MBNL1: variants seen among roughly 807,000 people sequenced by gnomAD.
The protein encoded by MBNL1 is muscleblind like splicing regulator 1, also known as muscleblind-like protein 1.
In MBNL1, 8 loss-of-function variants were observed where a neutral mutation model predicts 42.2. The observed-to-expected ratio is 0.19, with a 90% CI of 0.11 to 0.34. The LOEUF is 0.34. Among genes scored for constraint, MBNL1 ranks in the 10% least tolerant of loss-of-function variants. The pLI is 1.00. For missense variants in MBNL1, 309 were observed against 495.3 expected (o/e 0.62, Z 3.57); for synonymous variants, 169 against 173.9 (o/e 0.97, Z 0.22).
At chr3:152,457,483 A>T (rs1736033371) in intron 8 of MBNL1, among the ~76,000 whole-genome samples, 1 of 152,254 alleles carries the variant, frequency 6.6e-6, no homozygotes, top group Non-Finnish European at 1.5e-5. Context: ...CTGTTGATGA[A>T]GAACATTCAG....
chr3:152,418,246 T>G (rs2098735765), intron 3 of MBNL1, among the ~76,000 whole-genome samples: 1 of 152,190 alleles, frequency 6.6e-6, no homozygotes, highest in Admixed American at 6.5e-5. Flanking sequence ...AGAAGTTTGC[T>G]CAGGTTACAC....
At chr3:152,449,523 A>G (rs368298212) in intron 6 of MBNL1, 34 of 152,300 alleles carry the variant, frequency 2.2e-4, no homozygotes, top group African/African-American at 7.7e-4. Flanking sequence ...TTTTTTCTAA[A>G]TAAGTATAAC....
At chr3:152,389,878 T>C (rs1400908256) in intron 2 of MBNL1, among the ~76,000 whole-genome samples, 1 of 152,132 alleles carries the variant, frequency 6.6e-6, no homozygotes, top group Non-Finnish European at 1.5e-5. Flanking sequence ...TTTATTTATT[T>C]ATTTATTTAT....
intron 2 of MBNL1, among the ~76,000 whole-genome samples, chr3:152,346,622 T>C (rs1662346417): frequency 6.6e-6 from 1 of 152,108 alleles, no homozygotes; most frequent in South Asian, 2.1e-4. Context: ...TAGAAAAATG[T>C]GGTCCTACAG....
chr3:152,378,179 C>A (rs546308502), intron 2 of MBNL1, among the ~76,000 whole-genome samples: 101 of 151,992 alleles, frequency 6.6e-4, no homozygotes, highest in Admixed American at 2.3e-3. Flanking sequence ...TCTACAAAAA[C>A]AAAACAAAAC....
At chr3:152,457,728 C>CCAT (rs1736547636) in intron 8 of MBNL1, 1 of 173,198 alleles carries the variant, frequency 5.8e-6, no homozygotes, top group African/African-American at 2.4e-5. Flanking sequence ...TCAATACAAT[C>CCAT]CATCTATGGT....
intron 2 of MBNL1, among the ~76,000 whole-genome samples, chr3:152,344,019 A>G (rs969446783): frequency 6.6e-6 from 1 of 151,822 alleles, no homozygotes; most frequent in South Asian, 2.1e-4. Flanking sequence ...AAGAACTTAC[A>G]TGGATGATGG....
At chr3:152,381,861 AG>A (rs147625763) in intron 2 of MBNL1, among the ~76,000 whole-genome samples, 2,189 of 152,160 alleles carry the variant, frequency 0.014, 49 homozygotes, top group African/African-American at 0.05. Flanking sequence ...AAGAATTTGA[AG>A]GGTTTAGCTA....
At chr3:152,350,880 A>G (rs2094889351) in intron 2 of MBNL1, among the ~76,000 whole-genome samples, 1 of 152,198 alleles carries the variant, frequency 6.6e-6, no homozygotes, top group Admixed American at 6.5e-5. Context: ...GGCAGAGGAC[A>G]TGTTTTATCC....
chr3:152,429,659 C>T (rs1162688175), intron 3 of MBNL1, among the ~76,000 whole-genome samples: 1 of 152,116 alleles, frequency 6.6e-6, no homozygotes, highest in Non-Finnish European at 1.5e-5. Context: ...AATCTGATTT[C>T]TCTGATTAGG....
intron 2 of MBNL1, among the ~76,000 whole-genome samples, chr3:152,407,521 T>C (rs73872407): frequency 0.016 from 2,498 of 152,210 alleles, 70 homozygotes; most frequent in African/African-American, 0.057. Flanking sequence ...ACAGTAGAAG[T>C]TGTGTTTGAT....
chr3:152,389,361 G>A (rs2097576580), intron 2 of MBNL1, among the ~76,000 whole-genome samples: 1 of 152,124 alleles, frequency 6.6e-6, no homozygotes, highest in Admixed American at 6.5e-5. Context: ...AGTACTAGGA[G>A]TAGCACAGGT....
chr3:152,290,337 T>C (rs1383253155), intron 1 of MBNL1, among the ~76,000 whole-genome samples: 1 of 152,062 alleles, frequency 6.6e-6, no homozygotes, highest in Non-Finnish European at 1.5e-5. Flanking sequence ...TTTTTTCACA[T>C]GTTGATTTTG....
chr3:152,337,065 C>T (rs1279239931), intron 2 of MBNL1, among the ~76,000 whole-genome samples: 1 of 152,098 alleles, frequency 6.6e-6, no homozygotes, highest in Admixed American at 6.6e-5. Flanking sequence ...TTATTAAAGT[C>T]CTGTCAGAGT....
At chr3:152,270,795 C>T (rs2041061180) in intron 1 of MBNL1, among the ~76,000 whole-genome samples, 1 of 152,022 alleles carries the variant, frequency 6.6e-6, no homozygotes, top group Non-Finnish European at 1.5e-5. Context: ...ATGGGAGTTA[C>T]TTTATTATTA....
chr3:152,396,088 C>T (rs926786913), intron 2 of MBNL1: 6 of 239,958 alleles, frequency 2.5e-5, no homozygotes, highest in Non-Finnish European at 4.9e-5. Flanking sequence ...GTGAACTGTG[C>T]ATGCAGGGGA....
At chr3:152,319,260 A>AT (rs1265272223) in intron 2 of MBNL1, among the ~76,000 whole-genome samples, 24 of 152,156 alleles carry the variant, frequency 1.6e-4, no homozygotes, top group Non-Finnish European at 2.6e-4. Context: ...TTTAGAGATG[A>AT]TTTTTTCCTT....
chr3:152,285,394 G>A (rs1053171393), intron 1 of MBNL1, among the ~76,000 whole-genome samples: 3 of 152,124 alleles, frequency 2.0e-5, no homozygotes, highest in Admixed American at 6.5e-5. Context: ...GGATTTTAAT[G>A]GGTCAGTCAC....
At chr3:152,272,752 A>G (rs2149887467) in intron 1 of MBNL1, among the ~76,000 whole-genome samples, 1 of 152,302 alleles carries the variant, frequency 6.6e-6, no homozygotes, top group Admixed American at 6.5e-5. Context: ...ATACATGGAG[A>G]CACTGTCTTT....
Sources: allele counts gnomAD v4.1 joint callset (sites outside exome capture counted in the v4.1 genomes callset), GRCh38; gene constraint gnomAD v4.1.1; transcripts MANE v1.5; gene names NCBI Gene and HGNC (gene_info 2026-07-23, HGNC 2026-07-21).